LIPA: variants seen among roughly 807,000 people sequenced by gnomAD.
LIPA encodes lysosomal acid lipase/cholesteryl ester hydrolase.
Under a neutral mutation model 40.6 loss-of-function variants are expected in LIPA, and 26 were observed. The ratio of observed to expected loss-of-function variants is 0.64; its 90% CI spans 0.47 to 0.89. The LOEUF (loss-of-function observed/expected upper bound fraction) is 0.89, where lower values mean the gene tolerates loss of function less well. LIPA is among the 40% of genes least tolerant of loss of function. LIPA has a pLI of 0.00. For synonymous variants in LIPA, 188 were observed against 168.4 expected, an observed-to-expected ratio of 1.12 and a Z score of -0.90; for missense variants, 455 against 479.6, an observed-to-expected ratio of 0.95 and a Z score of 0.48.
intron 2 of LIPA, among the ~76,000 whole-genome samples, chr10:89,394,309 T>C (rs1844301328): frequency 6.6e-6 from 1 of 152,172 alleles, no homozygotes; most frequent in Non-Finnish European, 1.5e-5. Flanking sequence ...CTTTGTGGAC[T>C]AAAATATCAT....
chr10:89,271,145 C>G (rs1210615117), intron 1 of LIPA, among the ~76,000 whole-genome samples: 1 of 152,234 alleles, frequency 6.6e-6, no homozygotes, highest in Non-Finnish European at 1.5e-5. Context: ...TCTGTCTTCT[C>G]ATGGGGAGTT....
chr10:89,369,879 A>T (rs1844081973), intron 2 of LIPA, among the ~76,000 whole-genome samples: 1 of 152,244 alleles, frequency 6.6e-6, no homozygotes, highest in Admixed American at 6.5e-5. Flanking sequence ...TATATTCCCC[A>T]CATACAGCCA....
chr10:89,340,121 T>C (rs749282706), intron 1 of LIPA: 2 of 1,591,536 alleles, frequency 1.3e-6, no homozygotes, highest in Non-Finnish European at 1.7e-6. Flanking sequence ...TCAGAGCAAC[T>C]GAACTGAGAC....
intron 2 of LIPA, among the ~76,000 whole-genome samples, chr10:89,386,567 T>C (rs1341392083): frequency 6.6e-6 from 1 of 152,184 alleles, no homozygotes; most frequent in Non-Finnish European, 1.5e-5. Flanking sequence ...ATTCATGGAA[T>C]TAATCTAAAT....
chr10:89,347,160 G>A (rs1466642372), upstream of LIPA, among the ~76,000 whole-genome samples: 1 of 152,224 alleles, frequency 6.6e-6, no homozygotes, highest in Non-Finnish European at 1.5e-5. Context: ...GACAAAAAGT[G>A]CATGGGGCCA....
chr10:89,410,213 G>C (rs1841457963), intron 2 of LIPA, among the ~76,000 whole-genome samples: 1 of 152,200 alleles, frequency 6.6e-6, no homozygotes, highest in Non-Finnish European at 1.5e-5. Flanking sequence ...TCACTGTCTG[G>C]ATACTCATGA....
intron 8 of LIPA, among the ~76,000 whole-genome samples, chr10:89,217,110 T>TA (rs1842638254): frequency 6.6e-6 from 1 of 152,232 alleles, no homozygotes; most frequent in African/African-American, 2.4e-5. Flanking sequence ...TGTCAAAAAT[T>TA]AAACACAAAA....
At chr10:89,407,439 T>C (rs1357100330) in intron 2 of LIPA, among the ~76,000 whole-genome samples, 6 of 152,052 alleles carry the variant, frequency 3.9e-5, no homozygotes, top group Admixed American at 3.9e-4. Context: ...GGCTCACCAA[T>C]GAGAAAGACA....
intron 1 of LIPA, among the ~76,000 whole-genome samples, chr10:89,315,144 A>G (rs1434282714): frequency 6.6e-6 from 1 of 152,228 alleles, no homozygotes; most frequent in East Asian, 1.9e-4. Context: ...TCAAAATTTT[A>G]CATGTTTGTA....
At chr10:89,393,345 C>T (rs540222469) in intron 2 of LIPA, 549 of 1,238,464 alleles carry the variant, frequency 4.4e-4, no homozygotes, top group South Asian at 5.4e-4. Flanking sequence ...GCTCTTGGTA[C>T]GTCCTTGACT....
At chr10:89,220,255 A>T (rs1842680750) in intron 8 of LIPA, among the ~76,000 whole-genome samples, 1 of 152,130 alleles carries the variant, frequency 6.6e-6, no homozygotes, top group African/African-American at 2.4e-5. Flanking sequence ...GCTGGCAGTC[A>T]CTAAGCTGGT....
intron 1 of LIPA, among the ~76,000 whole-genome samples, chr10:89,263,614 A>G (rs1159838234): frequency 6.6e-6 from 1 of 152,264 alleles, no homozygotes; most frequent in Non-Finnish European, 1.5e-5. Context: ...TCAAAGAAGT[A>G]CTGATAGCAT....
intron 1 of LIPA, among the ~76,000 whole-genome samples, chr10:89,304,242 T>A (rs1231066684): frequency 2.0e-5 from 3 of 152,088 alleles, no homozygotes; most frequent in Admixed American, 2.0e-4. Flanking sequence ...GTTGTCTAAG[T>A]CCCTTGATGT....
upstream of LIPA, among the ~76,000 whole-genome samples, chr10:89,255,233 C>G (rs1329937031): frequency 2.0e-5 from 3 of 152,234 alleles, no homozygotes; most frequent in African/African-American, 7.2e-5. Flanking sequence ...GTTTAATTGA[C>G]TCACAGTTCC....
chr10:89,231,027 T>C (rs748133608), intron 3 of LIPA, among the ~76,000 whole-genome samples: 6 of 152,166 alleles, frequency 3.9e-5, no homozygotes, highest in Non-Finnish European at 7.3e-5. Context: ...AAATAATTCA[T>C]TGAAATCCAC....
chr10:89,233,105 CAA>C (rs139921504), intron 3 of LIPA, among the ~76,000 whole-genome samples: 2,637 of 152,306 alleles, frequency 0.017, 72 homozygotes, highest in African/African-American at 0.059. Context: ...GAGAATAAGT[CAA>C]AGACACTATT....
intron 2 of LIPA, among the ~76,000 whole-genome samples, chr10:89,354,823 C>G (rs1048773602): frequency 2.6e-5 from 4 of 152,162 alleles, no homozygotes; most frequent in Admixed American, 2.0e-4. Flanking sequence ...GCCTCGGCCT[C>G]CCAAAGTGCT....
intron 2 of LIPA, among the ~76,000 whole-genome samples, chr10:89,389,218 A>G (rs1245053009): frequency 6.6e-6 from 1 of 152,258 alleles, no homozygotes; most frequent in African/African-American, 2.4e-5. Flanking sequence ...TGACTTTTAT[A>G]ATTAAATGAA....
At chr10:89,387,064 C>T (rs975589672) in intron 2 of LIPA, among the ~76,000 whole-genome samples, 1 of 152,056 alleles carries the variant, frequency 6.6e-6, no homozygotes, top group Non-Finnish European at 1.5e-5. Context: ...CGCCTGTAAT[C>T]CCAGCACTTT....
Sources: gnomAD v4.1 joint callset for allele counts (sites outside exome capture counted in the v4.1 genomes callset) on GRCh38, gnomAD v4.1.1 for gene constraint, MANE v1.5 for transcripts, NCBI Gene and HGNC (gene_info 2026-07-23, HGNC 2026-07-21) for gene names.